Variants in PPARGC1A observed in about 807,000 individuals in gnomAD.
PPARGC1A encodes peroxisome proliferator-activated receptor gamma coactivator 1-alpha.
In PPARGC1A, 25 loss-of-function variants were observed where a neutral mutation model predicts 88.7. The ratio of observed to expected loss-of-function variants is 0.28; its 90% CI spans 0.21 to 0.39. The LOEUF is 0.39. Among genes scored for constraint, PPARGC1A ranks in the 10% least tolerant of loss-of-function variants. The pLI, the probability that PPARGC1A is intolerant of heterozygous loss-of-function variation, is 1.00. For synonymous variants in PPARGC1A, 363 were observed against 355.6 expected (o/e 1.02, Z -0.24); for missense variants, 880 against 968.7 (o/e 0.91, Z 1.22).
At chr4:24,048,252 G>A in the PPARGC1A span, among the ~76,000 whole-genome samples, 1 of 152,048 alleles carries the variant, frequency 6.6e-6, no homozygotes, top group Admixed American at 6.6e-5. Flanking sequence ...GCAAGATGGT[G>A]CTCTAATAAA....
chr4:23,829,426 G>T (rs776234705), intron 4 of PPARGC1A, 37 bp downstream of exon 4: 9 of 1,604,452 alleles, frequency 5.6e-6, no homozygotes, highest in Non-Finnish European at 6.8e-6. Context: ...AAATCCTTTG[G>T]TACATCCCCC....
At chr4:23,923,798 T>G in the PPARGC1A span, among the ~76,000 whole-genome samples, 1 of 152,248 alleles carries the variant, frequency 6.6e-6, no homozygotes, top group South Asian at 2.1e-4. Flanking sequence ...AGTTAACTTT[T>G]GAAATCATTT....
chr4:24,166,927 A>T, the PPARGC1A span, among the ~76,000 whole-genome samples: 1 of 152,234 alleles, frequency 6.6e-6, no homozygotes, highest in Admixed American at 6.5e-5. Context: ...CACAGCATCC[A>T]TTCTGCAGCT....
chr4:24,472,786 G>A, the PPARGC1A span, among the ~76,000 whole-genome samples: 2 of 151,820 alleles, frequency 1.3e-5, no homozygotes, highest in African/African-American at 4.8e-5. This position sits in a 1 kb window ranked among gnomAD's most constrained non-coding sequence, Gnocchi z 4.5. Context: ...GCGTGTGTGT[G>A]CGTGTGCGTG....
chr4:24,228,758 CA>C, the PPARGC1A span, among the ~76,000 whole-genome samples: 1 of 152,208 alleles, frequency 6.6e-6, no homozygotes, highest in Non-Finnish European at 1.5e-5. Flanking sequence ...ACTGCCTAAA[CA>C]TACCCATTAC....
At chr4:24,106,842 G>A in the PPARGC1A span, among the ~76,000 whole-genome samples, 2 of 152,248 alleles carry the variant, frequency 1.3e-5, no homozygotes, top group African/African-American at 4.8e-5. Context: ...TCAGATGCAA[G>A]AGTGAGCCCA....
chr4:24,250,502 C>CT, the PPARGC1A span, among the ~76,000 whole-genome samples: 1 of 152,164 alleles, frequency 6.6e-6, no homozygotes, highest in Non-Finnish European at 1.5e-5. Flanking sequence ...GTATTAAACT[C>CT]TTTTTCCCAT....
chr4:23,814,638 AG>A lies in PPARGC1A; in HGVS notation c.878-34del. ...AAAAATTAAAAAAAAAAAAAAAAAGAGAGAGAAAGAAAAGAGACAGAGATAA... is the reference window on the plus strand; with the variant it reads ...AAAAATTAAAAAAAAAAAAAAAAAGAAGAGAAAGAAAAGAGACAGAGATAA... On this transcript the variant is annotated intron_variant, in intron 7 of 12. Transcript: ENST00000264867. 2.2e-6 allele frequency: 3 copies of A among 1,392,846 alleles called. No individual in the cohort carries two copies. In the African/African-American group the frequency reaches 5.1e-5, roughly 24 times the overall value. The allele number at this position is 1,392,846 out of a possible 1,614,324, so 86.3% of individuals were successfully genotyped here.
the PPARGC1A span, among the ~76,000 whole-genome samples, chr4:24,240,897 A>G: frequency 6.6e-6 from 1 of 152,066 alleles, no homozygotes; most frequent in Non-Finnish European, 1.5e-5. Context: ...GCCTCACTGA[A>G]CTCTGAGATC....
the PPARGC1A span, among the ~76,000 whole-genome samples, chr4:24,010,032 G>A: frequency 1.3e-5 from 2 of 152,124 alleles, no homozygotes; most frequent in African/African-American, 4.8e-5. Context: ...TGATTGGTTG[G>A]TTGAATAAGG....
At chr4:24,470,277 G>GACACACACACACACACACACAC in the PPARGC1A span, among the ~76,000 whole-genome samples, 647 of 110,648 alleles carry the variant, frequency 5.8e-3, 14 homozygotes, top group South Asian at 0.01. This position sits in a 1 kb window ranked among gnomAD's most constrained non-coding sequence, Gnocchi z 5.8. Context: ...GACAGACACA[G>GACACACACACACACACACACAC]ACACACACAC....
the PPARGC1A span, among the ~76,000 whole-genome samples, chr4:24,302,280 C>T: frequency 3.3e-5 from 5 of 152,158 alleles, no homozygotes; most frequent in African/African-American, 4.8e-5. Flanking sequence ...AAAAACAATG[C>T]TCCTGAGTAA....
At chr4:23,863,769 CAG>C (rs1481552372) in intron 2 of PPARGC1A, among the ~76,000 whole-genome samples, 1 of 152,148 alleles carries the variant, frequency 6.6e-6, no homozygotes, top group Admixed American at 6.5e-5. Flanking sequence ...TTTTTTGAGA[CAG>C]AGTTTAGCTC....
At chr4:24,312,513 CTT>C in the PPARGC1A span, among the ~76,000 whole-genome samples, 21 of 149,274 alleles carry the variant, frequency 1.4e-4, 1 homozygote, top group East Asian at 3.4e-3. Flanking sequence ...CAGAGAAACT[CTT>C]TAATTTTCTT....
At chr4:24,070,171 G>T in the PPARGC1A span, among the ~76,000 whole-genome samples, 1 of 152,274 alleles carries the variant, frequency 6.6e-6, no homozygotes, top group African/African-American at 2.4e-5. Flanking sequence ...TGCAAATGAG[G>T]GGCATCAGTG....
the PPARGC1A span, among the ~76,000 whole-genome samples, chr4:24,322,102 A>T: frequency 6.6e-6 from 1 of 152,144 alleles, no homozygotes. Context: ...AATGCTGTAG[A>T]ATTCGTTACC....
At chr4:23,865,453 C>G (rs1711715787) in intron 2 of PPARGC1A, among the ~76,000 whole-genome samples, 1 of 152,086 alleles carries the variant, frequency 6.6e-6, no homozygotes, top group African/African-American at 2.4e-5. Context: ...AGCACGGCCC[C>G]AATAAAATGT....
At chr4:24,351,837 T>C in the PPARGC1A span, among the ~76,000 whole-genome samples, 2 of 152,240 alleles carry the variant, frequency 1.3e-5, no homozygotes, top group Non-Finnish European at 2.9e-5. Flanking sequence ...TTTTTTTTAA[T>C]ATGGTCTTTT....
chr4:24,044,928 G>C, the PPARGC1A span, among the ~76,000 whole-genome samples: 4 of 152,224 alleles, frequency 2.6e-5, no homozygotes, highest in Admixed American at 2.0e-4. Flanking sequence ...GCGGTGCTCA[G>C]AGAGAAAGAA....
Sources: allele counts gnomAD v4.1 joint callset (sites outside exome capture counted in the v4.1 genomes callset), GRCh38; gene constraint gnomAD v4.1.1; non-coding constraint Gnocchi (gnomAD v3.1); transcripts MANE v1.5; gene names NCBI Gene and HGNC (gene_info 2026-07-23, HGNC 2026-07-21).